COL21A1: variants seen among roughly 807,000 people sequenced by gnomAD.
The protein encoded by COL21A1 is collagen type XXI alpha 1 chain.
In COL21A1, 149 loss-of-function variants were observed where a neutral mutation model predicts 137.9. That is an observed-to-expected ratio of 1.08 (90% CI 0.95 to 1.24). The LOEUF (loss-of-function observed/expected upper bound fraction) is 1.24. Ranked by LOEUF, COL21A1 falls within the 50% of genes most tolerant of loss-of-function variation. COL21A1 has a pLI of 0.00. For synonymous variants in COL21A1, 456 were observed against 391.5 expected (o/e 1.16, Z -1.95); for missense variants, 1,167 against 1,158.4 (o/e 1.01, Z -0.11).
intron 22 of COL21A1, among the ~76,000 whole-genome samples, chr6:56,068,390 C>T (rs143518239): frequency 1.0e-3 from 155 of 151,654 alleles, no homozygotes; most frequent in African/African-American, 3.6e-3. Context: ...CTCAGGCACA[C>T]AGGCATCAAT....
chr6:56,100,158 A>ATC (rs1468383043), intron 17 of COL21A1, among the ~76,000 whole-genome samples: 1 of 152,214 alleles, frequency 6.6e-6, no homozygotes, highest in Non-Finnish European at 1.5e-5. Flanking sequence ...CCTCATTAAG[A>ATC]TCATTTCATT....
intron 16 of COL21A1, among the ~76,000 whole-genome samples, chr6:56,103,691 T>G (rs1770642258): frequency 6.6e-6 from 1 of 152,200 alleles, no homozygotes. Flanking sequence ...ACTTATTATG[T>G]TCTTCTTACT....
At chr6:56,104,937 CA>C (rs2152174857) in intron 16 of COL21A1, among the ~76,000 whole-genome samples, 1 of 152,256 alleles carries the variant, frequency 6.6e-6, no homozygotes, top group Admixed American at 6.5e-5. Flanking sequence ...GTTTACTGAT[CA>C]TGAAAATATA....
In COL21A1 at chr6:56,150,565, C is replaced by CACACACACACACACACACAA. The variant is rs1402170446; in HGVS notation, c.1434+6321_1434+6322insTTGTGTGTGTGTGTGTGTGT. ...ACACACACACACACACACACACACA[C>CACACACACACACACACACAA]AAGAGTGGGGGGAACTGAATCACGA... On this transcript the variant is annotated intron_variant, in intron 10 of 29. Coordinates refer to ENST00000244728, the MANE Select transcript of COL21A1 (RefSeq NM_030820.4). Among the ~76,000 whole-genome samples, 41 of 112,708 alleles carry CACACACACACACACACACAA rather than the reference C, an allele frequency of 3.6e-4. 1 individual carries two copies. The highest frequency in any genetic ancestry group is 1.4e-3 in the African/African-American group (40 of 27,622). 73.9% of individuals were successfully genotyped at this position (112,708 alleles called of 152,430 possible). A position where few individuals can be genotyped will look rare whatever the true frequency, so the allele number is the denominator to read the frequency against.
chr6:56,310,469 G>C (rs569029104), intron 1 of COL21A1, among the ~76,000 whole-genome samples: 2 of 152,160 alleles, frequency 1.3e-5, no homozygotes, highest in Non-Finnish European at 2.9e-5. Flanking sequence ...ATCCAAGATT[G>C]AGAACCACTG....
intron 1 of COL21A1, among the ~76,000 whole-genome samples, chr6:56,323,325 T>C (rs1490956533): frequency 6.6e-6 from 1 of 152,164 alleles, no homozygotes; most frequent in African/African-American, 2.4e-5. Context: ...AATAGCTAAT[T>C]GGAAACAAAC....
chr6:56,131,704 A>C (rs1034267212), intron 12 of COL21A1, among the ~76,000 whole-genome samples: 34 of 152,148 alleles, frequency 2.2e-4, no homozygotes, highest in African/African-American at 8.2e-4. Context: ...GATGTGATTG[A>C]AACAAGATTG....
intron 12 of COL21A1, among the ~76,000 whole-genome samples, chr6:56,127,423 A>G (rs1773134860): frequency 6.6e-6 from 1 of 152,112 alleles, no homozygotes; most frequent in African/African-American, 2.4e-5. Flanking sequence ...ATTCATTTGC[A>G]TTGAAAATTT....
intron 16 of COL21A1, among the ~76,000 whole-genome samples, chr6:56,112,260 C>A (rs1771498182): frequency 6.6e-6 from 1 of 152,104 alleles, no homozygotes; most frequent in African/African-American, 2.4e-5. Context: ...TGATTTTTAT[C>A]TCATACCATA....
chr6:56,225,189 C>T (rs1042206304), intron 1 of COL21A1, among the ~76,000 whole-genome samples: 37 of 152,028 alleles, frequency 2.4e-4, no homozygotes, highest in African/African-American at 8.5e-4. Flanking sequence ...TTTCCTTTGA[C>T]ATTATGCAAG....
At chr6:56,173,741 AAG>A (rs1269156821) in intron 3 of COL21A1, among the ~76,000 whole-genome samples, 3 of 152,210 alleles carry the variant, frequency 2.0e-5, no homozygotes, top group African/African-American at 7.2e-5. Context: ...GAGAAATAGA[AAG>A]AAACACAATA....
At chr6:56,285,484 T>C (rs2152334651) in intron 1 of COL21A1, among the ~76,000 whole-genome samples, 1 of 152,350 alleles carries the variant, frequency 6.6e-6, no homozygotes, top group South Asian at 2.1e-4. Context: ...AAATTGGTTT[T>C]CTTCTTGGTA....
chr6:56,295,039 C>T (rs1279720412), intron 1 of COL21A1, among the ~76,000 whole-genome samples: 1 of 151,986 alleles, frequency 6.6e-6, no homozygotes, highest in Non-Finnish European at 1.5e-5. Context: ...CCTGTGTTAT[C>T]TTCCAGCTGT....
intron 1 of COL21A1, among the ~76,000 whole-genome samples, chr6:56,332,482 T>A (rs2152343763): frequency 6.6e-6 from 1 of 151,662 alleles, no homozygotes; most frequent in Non-Finnish European, 1.5e-5. Flanking sequence ...AAACATTTTT[T>A]TTTTTTGCTA....
chr6:56,076,446 T>C (rs1767251592), intron 18 of COL21A1, among the ~76,000 whole-genome samples: 1 of 150,868 alleles, frequency 6.6e-6, no homozygotes, highest in South Asian at 2.1e-4. Flanking sequence ...AGAAACAGAA[T>C]TTAGAATTAG....
chr6:56,121,854 TC>T (rs1216033811), intron 16 of COL21A1, among the ~76,000 whole-genome samples: 1 of 152,044 alleles, frequency 6.6e-6, no homozygotes, highest in Non-Finnish European at 1.5e-5. Context: ...GCTTTTTTTT[TC>T]AATTCATGAA....
intron 1 of COL21A1, among the ~76,000 whole-genome samples, chr6:56,321,906 G>A (rs535185873): frequency 7.2e-5 from 11 of 152,134 alleles, no homozygotes; most frequent in Non-Finnish European, 1.2e-4. Flanking sequence ...GGTGTCTCAT[G>A]AGCTGAGCGA....
intron 8 of COL21A1, 53 bp from the exon 9 acceptor site, chr6:56,164,559 C>G (rs1776432117): frequency 8.0e-7 from 1 of 1,252,890 alleles, no homozygotes; most frequent in African/African-American, 1.5e-5. Context: ...CATATAAGTA[C>G]ATGCACACGT....
At chr6:56,082,533 A>G (rs566520872) in intron 17 of COL21A1, among the ~76,000 whole-genome samples, 1 of 151,918 alleles carries the variant, frequency 6.6e-6, no homozygotes, top group Non-Finnish European at 1.5e-5. Context: ...TCAATTTCTC[A>G]TTAAGAAGAA....
Sources: gnomAD v4.1 joint callset for allele counts (sites outside exome capture counted in the v4.1 genomes callset) on GRCh38, gnomAD v4.1.1 for gene constraint, MANE v1.5 for transcripts, NCBI Gene and HGNC (gene_info 2026-07-23, HGNC 2026-07-21) for gene names.